COL5A1: variants seen among roughly 807,000 people sequenced by gnomAD.
COL5A1 encodes the protein collagen alpha-1(V) chain.
Under a neutral mutation model 263.7 loss-of-function variants are expected in COL5A1, and 16 were observed. That is an observed-to-expected ratio of 0.06 (90% CI 0.04 to 0.09). The LOEUF is 0.09. Among genes scored for constraint, COL5A1 ranks in the 10% least tolerant of loss-of-function variants. COL5A1 has a pLI of 1.00. For missense variants in COL5A1, 2,036 were observed against 2,540.5 expected (o/e 0.80, Z 4.27); for synonymous variants, 1,012 against 1,004.5 (o/e 1.01, Z -0.14).
chr9:134,737,389 C>T (rs1483413688), intron 9 of COL5A1, among the ~76,000 whole-genome samples: 1 of 152,214 alleles, frequency 6.6e-6, no homozygotes, highest in African/African-American at 2.4e-5. Flanking sequence ...GGAGCAGACA[C>T]TTGAGGGGTG....
intron 1 of COL5A1, among the ~76,000 whole-genome samples, chr9:134,668,778 A>G (rs1176379789): frequency 1.3e-5 from 2 of 151,742 alleles, no homozygotes; most frequent in South Asian, 2.1e-4. Context: ...CCATGTGTCC[A>G]TATACTCATG....
rs374204025 is a variant in COL5A1 at position 134,750,575 on chromosome 9, G to T, written c.1528G>T (p.Asp510Tyr). 2 of 1,613,552 alleles carry T rather than the reference G, an allele frequency of 1.2e-6. No homozygotes were observed. The highest frequency in any genetic ancestry group is 2.2e-5 in the South Asian group (2 of 91,086). ...PPGRPGLPGA[D>Y]GLPGPPGTML... The stretch of plus-strand genomic sequence containing the variant: ...TGGACGCCCAGGCCTTCCTGGGGCC[G>T]ATGGCCTGCCCGGTCCTCCAGGAAC... The change falls in exon 12 of 66, where the codon GAT becomes TAT. Residue 510 changes from aspartate (D) to tyrosine (Y), a missense_variant. By Grantham distance (160) the Asp-to-Tyr change is radical. Transcript: ENST00000371817.
intron 18 of COL5A1, among the ~76,000 whole-genome samples, chr9:134,759,763 ACG>A (rs1248915265): frequency 1.5e-5 from 1 of 68,072 alleles, no homozygotes; most frequent in African/African-American, 8.8e-5. Flanking sequence ...ACACACACCC[ACG>A]CACCCCCACA....
Position 134,757,144 on chromosome 9 carries a change from C to CG in COL5A1, c.1881+331dup, listed in dbSNP as rs1836008564. On this transcript the variant is annotated intron_variant, in intron 17 of 65. Coordinates refer to ENST00000371817, the MANE Select transcript of COL5A1 (RefSeq NM_000093.5). The surrounding 1 kb of genome is among the most constrained non-coding windows in gnomAD (Gnocchi z 6.2). ...GCAGAGGCGGGGCATATGGCAAGTG[C>CG]GGGGGCCAGGGGGTCTTGTCCAGTC... 6.6e-6 allele frequency among the ~76,000 whole-genome samples: 1 copy of CG among 152,024 alleles called. No individual in the cohort carries two copies. The highest frequency in any genetic ancestry group is 1.5e-5 in the Non-Finnish European group (1 of 68,022).
At chr9:134,674,402 C>T (rs1422250134) in intron 1 of COL5A1, among the ~76,000 whole-genome samples, 1 of 152,064 alleles carries the variant, frequency 6.6e-6, no homozygotes, top group Admixed American at 6.5e-5. Flanking sequence ...GACACGGTTC[C>T]ATTTATATGA....
intron 4 of COL5A1, among the ~76,000 whole-genome samples, chr9:134,703,663 A>G (rs1195492053): frequency 3.9e-5 from 4 of 101,652 alleles, no homozygotes; most frequent in Non-Finnish European, 5.4e-5. Flanking sequence ...TTTGAGACGG[A>G]GTCTCGCTCC....
At chr9:134,807,797 G>C (rs1838350356) in intron 42 of COL5A1, among the ~76,000 whole-genome samples, 1 of 152,224 alleles carries the variant, frequency 6.6e-6, no homozygotes, top group African/African-American at 2.4e-5. Context: ...GCTGGATTCT[G>C]TGCCAGAAAA....
chr9:134,673,865 C>T (rs570763672), intron 1 of COL5A1, among the ~76,000 whole-genome samples: 1 of 152,348 alleles, frequency 6.6e-6, no homozygotes, highest in South Asian at 2.1e-4. Flanking sequence ...CACAACTCCA[C>T]AGCATGGAGG....
At chr9:134,822,881 A>G (rs1376881952) in intron 59 of COL5A1, 117 bp from the exon 60 acceptor site, 2 of 1,138,584 alleles carry the variant, frequency 1.8e-6, no homozygotes, top group Non-Finnish European at 2.6e-6. Context: ...TAGACTCTTG[A>G]GGGGGATGCG....
chr9:134,712,439 T>C, intron 4 of COL5A1, among the ~76,000 whole-genome samples: 1 of 105,308 alleles, frequency 9.5e-6, no homozygotes, highest in Admixed American at 9.6e-5. Context: ...CTGTTCCCCC[T>C]CCTTCTTATT....
chr9:134,830,337 C>A, intron 64 of COL5A1: 1 of 699,248 alleles, frequency 1.4e-6, no homozygotes, highest in African/African-American at 1.8e-5. Flanking sequence ...GTGGAGTCCT[C>A]TCCCCAGCCC....
At chr9:134,658,843 G>T (rs1832113066) in intron 1 of COL5A1, among the ~76,000 whole-genome samples, 1 of 152,208 alleles carries the variant, frequency 6.6e-6, no homozygotes, top group Admixed American at 6.5e-5. Flanking sequence ...GGTCTCTCCG[G>T]AGCCCGGAAA....
intron 62 of COL5A1, among the ~76,000 whole-genome samples, chr9:134,825,451 T>A (rs919746302): frequency 6.6e-6 from 1 of 152,186 alleles, no homozygotes; most frequent in East Asian, 1.9e-4. Flanking sequence ...TAGACTCTGA[T>A]CCTACATGCA....
chr9:134,674,342 G>T (rs1832628722), intron 1 of COL5A1, among the ~76,000 whole-genome samples: 1 of 152,166 alleles, frequency 6.6e-6, no homozygotes, highest in Non-Finnish European at 1.5e-5. Flanking sequence ...GAACAGGGTG[G>T]CACGAAAGCA....
At chr9:134,752,518 G>A (rs1216652450) in intron 13 of COL5A1, 71 bp from the exon 14 acceptor site, 30 of 1,201,968 alleles carry the variant, frequency 2.5e-5, no homozygotes, top group Admixed American at 1.3e-4. Context: ...CACATCTCAC[G>A]GCTCAGGCGC....
chr9:134,739,920 T>G (rs879780958), intron 11 of COL5A1, among the ~76,000 whole-genome samples: 2 of 151,934 alleles, frequency 1.3e-5, no homozygotes, highest in African/African-American at 2.4e-5. Context: ...AGGAGAAGGA[T>G]TCAGGTCAGC....
Position 134,678,528 on chromosome 9 carries a change from C to G in COL5A1, c.110-12384C>G, listed in dbSNP as rs1377402685. ...GCCAGCCCCGGGAAGCTGTCTGCAT[C>G]CCTGCAGGGCAAGCACCTGCTTCTC... On this transcript the variant is annotated intron_variant, in intron 1 of 65. Coordinates refer to ENST00000371817, the MANE Select transcript of COL5A1 (RefSeq NM_000093.5). The surrounding 1 kb of genome is among the most constrained non-coding windows in gnomAD (Gnocchi z 5.5). Among the ~76,000 whole-genome samples, 1 of 152,240 alleles carries G rather than the reference C, an allele frequency of 6.6e-6. No homozygotes were observed. Among genetic ancestry groups the G allele is most frequent in the Non-Finnish European group, 1.5e-5 (1 of 68,040 alleles).
rs1440708870 is a variant in COL5A1 at position 134,758,587 on chromosome 9, C to G, written c.1935+291C>G. ...CGCGTGAAGGGGGCAGGGAAGGAGC[C>G]CTTCCTTTTAGAGATCTGTTTAATG... On this transcript the variant is annotated intron_variant, in intron 18 of 65. Transcript: ENST00000371817. The surrounding 1 kb of genome is among the most constrained non-coding windows in gnomAD (Gnocchi z 4.1). Among the ~76,000 whole-genome samples the G allele has an allele frequency of 1.3e-5, 2 of 152,108 alleles. No individual in the cohort carries two copies. The highest frequency in any genetic ancestry group is 2.4e-5 in the African/African-American group (1 of 41,422).
In COL5A1 at chr9:134,790,590, CTATCCAT is replaced by C. The variant is rs1253248471; in HGVS notation, c.2700+1383_2700+1389del. Among the ~76,000 whole-genome samples the C allele has an allele frequency of 6.4e-5, 6 of 94,336 alleles. No individual in the cohort carries two copies. In the East Asian group the frequency reaches 1.8e-3, roughly 29 times the overall value. 61.9% of individuals were successfully genotyped at this position (94,336 alleles called of 152,430 possible). A position where few individuals can be genotyped will look rare whatever the true frequency, so the allele number is the denominator to read the frequency against. Reference sequence around the variant, plus strand: ...CCCACCCATCCATCCATCCATCCATCTATCCATCCACCCACCCATCCATCCATCCATC... The same window carrying C: ...CCCACCCATCCATCCATCCATCCATCCCACCCACCCATCCATCCATCCATC... On this transcript the variant is annotated intron_variant, in intron 32 of 65. Transcript: ENST00000371817.
Sources: gnomAD v4.1 joint callset for allele counts (sites outside exome capture counted in the v4.1 genomes callset) on GRCh38, gnomAD v4.1.1 for gene constraint, Gnocchi (gnomAD v3.1) non-coding constraint, MANE v1.5 for transcripts, NCBI Gene and HGNC (gene_info 2026-07-23, HGNC 2026-07-21) for gene names.